Variants in CRAMP1 observed in about 807,000 individuals in gnomAD.
CRAMP1 encodes the protein cramped chromatin regulator 1.
In CRAMP1, 50 loss-of-function variants were observed where a neutral mutation model predicts 115.4. The ratio of observed to expected loss-of-function variants is 0.43; its 90% confidence interval spans 0.35 to 0.55. CRAMP1 has a LOEUF of 0.55. Ranked by LOEUF, CRAMP1 falls within the 20% of genes least tolerant of loss-of-function variation. CRAMP1 has a pLI of 0.01. For missense variants in CRAMP1, 1,679 were observed against 1,721.7 expected, an observed-to-expected ratio of 0.98 and a Z score of 0.44; for synonymous variants, 866 against 745.4, an observed-to-expected ratio of 1.16 and a Z score of -2.64.
At chr16:1,638,431 G>A (rs1012082088) in intron 5 of CRAMP1, among the ~76,000 whole-genome samples, 32 of 152,180 alleles carry the variant, frequency 2.1e-4, no homozygotes, top group Non-Finnish European at 4.4e-4. Context: ...TAGAGCGGCC[G>A]CACTGCCTGG....
intron 14 of CRAMP1, 78 bp from the exon 15 acceptor site, chr16:1,665,995 A>G (rs2036872084): frequency 3.3e-6 from 3 of 909,894 alleles, no homozygotes; most frequent in Admixed American, 4.0e-5. Context: ...CTGTAAAGGA[A>G]GCCCCCTGCG....
intron 20 of CRAMP1, 64 bp from the exon 21 acceptor site, chr16:1,673,817 C>G: frequency 6.6e-7 from 1 of 1,506,028 alleles, no homozygotes; most frequent in Non-Finnish European, 9.2e-7. Context: ...GTTTCAGGAC[C>G]CGCCCTCCAC....
chr16:1,616,069 T>C (rs1021544623), intron 2 of CRAMP1, among the ~76,000 whole-genome samples: 10 of 152,220 alleles, frequency 6.6e-5, no homozygotes, highest in Admixed American at 6.5e-5. Flanking sequence ...TACTCATTGG[T>C]AAAGAATTCT....
chr16:1,645,976 C>T (rs375012321), intron 6 of CRAMP1, among the ~76,000 whole-genome samples: 2 of 152,176 alleles, frequency 1.3e-5, no homozygotes. Context: ...CGCCACTCTC[C>T]GTTCCCTGTA....
chr16:1,669,606 G>A lies in CRAMP1; in HGVS notation c.3499+441G>A, dbSNP rs1186982255. ...AAGTGGATGGTCCAGCTGCCACCTGGCACATTCTTGAATATAGATCGGAGA... is the reference window on the plus strand; with the variant it reads ...AAGTGGATGGTCCAGCTGCCACCTGACACATTCTTGAATATAGATCGGAGA... On this transcript the variant is annotated intron_variant, in intron 19 of 20. Transcript: ENST00000397412. This position sits in a 1 kb window ranked among gnomAD's most constrained non-coding sequence, Gnocchi z 4.6. Among the ~76,000 whole-genome samples, 1 of 152,188 alleles carries A rather than the reference G, an allele frequency of 6.6e-6. No homozygotes were observed. Among genetic ancestry groups the A allele is most frequent in the Non-Finnish European group, 1.5e-5 (1 of 68,044 alleles).
intron 3 of CRAMP1, among the ~76,000 whole-genome samples, chr16:1,630,308 T>C (rs1361942054): frequency 2.0e-5 from 3 of 151,946 alleles, no homozygotes; most frequent in Non-Finnish European, 2.9e-5. Flanking sequence ...TGTGCCACCA[T>C]GCCTGGCTAA....
At chr16:1,665,294 T>C (rs1301286545) in intron 14 of CRAMP1, among the ~76,000 whole-genome samples, 156 bp downstream of exon 14, 2 of 152,230 alleles carry the variant, frequency 1.3e-5, no homozygotes, top group Non-Finnish European at 2.9e-5. Flanking sequence ...TGTGCTGGGC[T>C]GCAGGCTGCG....
chr16:1,618,581 A>T (rs1033100526), intron 2 of CRAMP1, among the ~76,000 whole-genome samples: 2 of 152,194 alleles, frequency 1.3e-5, no homozygotes, highest in Non-Finnish European at 2.9e-5. Context: ...AGGATGGGGA[A>T]ATGCACCATC....
Position 1,656,350 on chromosome 16 carries a change from G to A in CRAMP1, c.1593G>A (p.Arg531=), listed in dbSNP as rs1280470584. Residue 531 remains arginine (R), a synonymous_variant, in exon 10 of 21, where the codon AGG becomes AGA. Transcript: ENST00000397412. The surrounding 1 kb of genome is among the most constrained non-coding windows in gnomAD (Gnocchi z 5.6). ...TTGAGAAGACCCCTGCAGAAGGCAG[G>A]GACAGTCCCACCCGGGAGCCAGGGG... ...PCLEKTPAEG[R]DSPTREPGAL... 1 of 1,607,226 alleles carries A rather than the reference G, an allele frequency of 6.2e-7. No homozygotes were observed. Among genetic ancestry groups the A allele is most frequent in the South Asian group, 1.1e-5 (1 of 90,010 alleles).
chr16:1,648,803 A>C (rs2036698149), intron 6 of CRAMP1, among the ~76,000 whole-genome samples: 1 of 152,154 alleles, frequency 6.6e-6, no homozygotes, highest in African/African-American at 2.4e-5. Flanking sequence ...TCACGCCTGT[A>C]ATCCCAACAC....
intron 2 of CRAMP1, among the ~76,000 whole-genome samples, chr16:1,617,570 C>T (rs1000772810): frequency 1.3e-5 from 2 of 152,214 alleles, no homozygotes; most frequent in Non-Finnish European, 2.9e-5. Context: ...AATGATGTAA[C>T]TTCTATTATG....
rs773410575 is a variant in CRAMP1 at position 1,656,403 on chromosome 16, C to T, written c.1646C>T (p.Pro549Leu). Residue 549 changes from proline (P) to leucine (L), a missense_variant, in exon 10 of 21, where the codon CCA becomes CTA. Physicochemically the swap from Pro to Leu is moderately conservative, Grantham distance 98. Transcript: ENST00000397412. This position sits in a 1 kb window ranked among gnomAD's most constrained non-coding sequence, Gnocchi z 5.6. ...TTGCCGTGTGCCTGTGGCCAGCTCC[C>T]AGACCTGGAGGACGAGCTCTCGCTT... Reference protein sequence around the residue: ...GALPCACGQLPDLEDELSLLD... With the variant: ...GALPCACGQLLDLEDELSLLD... The T allele has an allele frequency of 6.3e-7, 1 of 1,592,748 alleles. No individual in the cohort carries two copies. The highest frequency in any genetic ancestry group is 8.5e-7 in the Non-Finnish European group (1 of 1,169,842).
intron 10 of CRAMP1, among the ~76,000 whole-genome samples, chr16:1,658,192 G>A (rs556223069): frequency 6.6e-5 from 10 of 152,176 alleles, no homozygotes; most frequent in Admixed American, 1.3e-4. Flanking sequence ...AAGGGGGCTG[G>A]AGGAAAGAAA....
chr16:1,655,839 G>C (rs2036766609), intron 9 of CRAMP1, 38 bp from the exon 10 acceptor site: 8 of 1,578,740 alleles, frequency 5.1e-6, no homozygotes, highest in Non-Finnish European at 6.9e-6. Context: ...CCCGACCTCA[G>C]TGCTAGCCAG....
intron 11 of CRAMP1, 66 bp from the exon 12 acceptor site, chr16:1,662,424 T>C: frequency 7.5e-7 from 1 of 1,331,928 alleles, no homozygotes; most frequent in Non-Finnish European, 1.1e-6. Flanking sequence ...CCCAACGGAA[T>C]TCCGTGACCC....
At chr16:1,625,885 A>C in intron 2 of CRAMP1, 88 bp from the exon 3 acceptor site, 2 of 1,293,578 alleles carry the variant, frequency 1.5e-6, no homozygotes, top group African/African-American at 1.5e-5. Context: ...ACCTCAGGGC[A>C]GTGGGCCCTT....
intron 3 of CRAMP1, 121 bp downstream of exon 3, chr16:1,626,287 C>T (rs9924715): frequency 0.081 from 76,864 of 948,868 alleles, 3,732 homozygotes; most frequent in African/African-American, 0.22. Context: ...GGGCGACCCC[C>T]GCAGTGGCGG....
chr16:1,625,886 G>A lies in CRAMP1; in HGVS notation c.347-87G>A, dbSNP rs2036504006. 1.8e-5 allele frequency: 24 copies of A among 1,350,142 alleles called. 1 individual carries two copies. In the South Asian group the frequency reaches 2.9e-4, roughly 17 times the overall value. 83.6% of individuals were successfully genotyped at this position (1,350,142 alleles called of 1,614,324 possible). On this transcript the variant is annotated intron_variant, in intron 2 of 20. Transcript: ENST00000397412. Reference sequence around the variant, plus strand: ...GAGTGTGGAGTGGGACCTCAGGGCAGTGGGCCCTTCCCTCCCACCGGCCCT... The same window carrying A: ...GAGTGTGGAGTGGGACCTCAGGGCAATGGGCCCTTCCCTCCCACCGGCCCT...
In CRAMP1 at chr16:1,669,613, C is replaced by T. The variant is rs147450029; in HGVS notation, c.3499+448C>T. Among the ~76,000 whole-genome samples, 2,060 of 152,318 alleles carry T rather than the reference C, an allele frequency of 0.014. 48 individuals carry two copies. Among genetic ancestry groups the T allele is most frequent in the Non-Finnish European group, 0.016 (1,063 of 68,038 alleles). On this transcript the variant is annotated intron_variant, in intron 19 of 20. Transcript: ENST00000397412. The surrounding 1 kb of genome is among the most constrained non-coding windows in gnomAD (Gnocchi z 4.6). ...TGGTCCAGCTGCCACCTGGCACATT[C>T]TTGAATATAGATCGGAGAGTTCAGA...
Sources: gnomAD v4.1 joint callset for allele counts (sites outside exome capture counted in the v4.1 genomes callset) on GRCh38, gnomAD v4.1.1 for gene constraint, Gnocchi (gnomAD v3.1) non-coding constraint, MANE v1.5 for transcripts, NCBI Gene and HGNC (gene_info 2026-07-23, HGNC 2026-07-21) for gene names.